The following PIWIL2 variants were observed in gnomAD, a reference collection of about 807,000 sequenced individuals.
PIWIL2 encodes piwi-like protein 2.
A neutral mutation model predicts 116.5 loss-of-function variants in PIWIL2; 81 were observed. The observed-to-expected ratio is 0.70, with a 90% CI of 0.58 to 0.84. The LOEUF (loss-of-function observed/expected upper bound fraction) is 0.84, where lower values mean the gene tolerates loss of function less well. PIWIL2 is among the 40% of genes least tolerant of loss of function. The pLI is 0.00. For synonymous variants in PIWIL2, 489 were observed against 429.5 expected, an observed-to-expected ratio of 1.14 and a Z score of -1.71; for missense variants, 1,272 against 1,212.3, an observed-to-expected ratio of 1.05 and a Z score of -0.73.
rs1440861405 is a variant in PIWIL2, at chr8:22,351,436, CATACATATATATATATAT to C, written c.2404-1519_2404-1502del. ...AGTAACCTGTAAGGAACAGTGCATA[CATACATATATATATATAT>C]ATATATATATATATATATATATATA... is the stretch of plus-strand genomic sequence containing the variant. On this transcript the variant is annotated intron_variant, in intron 20 of 22. Transcript: ENST00000356766. Among the ~76,000 whole-genome samples the C allele has an allele frequency of 5.4e-3, 249 of 46,268 alleles. 8 individuals carry two copies. The highest frequency in any genetic ancestry group is 0.025 in the South Asian group (22 of 882). 30.4% of individuals were successfully genotyped at this position (46,268 alleles called of 152,430 possible). A position where few individuals can be genotyped will look rare whatever the true frequency, so the allele number is the denominator to read the frequency against.
At chr8:22,346,263 T>C (rs1832224355) in intron 20 of PIWIL2, among the ~76,000 whole-genome samples, 1 of 152,182 alleles carries the variant, frequency 6.6e-6, no homozygotes, top group Non-Finnish European at 1.5e-5. Context: ...GGATGAGTTT[T>C]ATGGTATTTC....
chr8:22,317,010 G>A (rs1384616574), intron 19 of PIWIL2, among the ~76,000 whole-genome samples: 4 of 151,988 alleles, frequency 2.6e-5, no homozygotes, highest in Non-Finnish European at 5.9e-5. Flanking sequence ...AAACTCCTGG[G>A]CTTAAGTGAT....
At chr8:22,347,516 CTTTTTTT>C (rs1218303089) in intron 20 of PIWIL2, among the ~76,000 whole-genome samples, 1,352 of 98,474 alleles carry the variant, frequency 0.014, 23 homozygotes, top group African/African-American at 0.045. Context: ...TGTGCCTGGC[CTTTTTTT>C]TTTTTTTTTT....
chr8:22,305,341 C>T (rs920368024), intron 12 of PIWIL2, among the ~76,000 whole-genome samples: 4 of 151,986 alleles, frequency 2.6e-5, no homozygotes, highest in Non-Finnish European at 2.9e-5. Context: ...TACAGGAGCC[C>T]GCCACCACCC....
chr8:22,301,130 C>T (rs1831037103), intron 10 of PIWIL2, among the ~76,000 whole-genome samples: 1 of 151,812 alleles, frequency 6.6e-6, no homozygotes. Flanking sequence ...CAGGCATGCA[C>T]CACCATGCCC....
chr8:22,334,542 A>C (rs1831936453), intron 20 of PIWIL2, among the ~76,000 whole-genome samples: 1 of 151,438 alleles, frequency 6.6e-6, no homozygotes. Context: ...AGAAAAGAAA[A>C]TACAAAATTT....
At position 22,307,481 on chromosome 8, in the gene PIWIL2, T is replaced by A. The variant is rs986000330; in HGVS notation, c.1546-452T>A. 9.5e-4 allele frequency among the ~76,000 whole-genome samples: 135 copies of A among 142,224 alleles called. 7 individuals carry two copies. The highest frequency in any genetic ancestry group is 1.0e-3 in the East Asian group (5 of 4,956). The allele number at this position is 142,224 out of a possible 152,430, so 93.3% of individuals were successfully genotyped here. On this transcript the variant is annotated intron_variant, in intron 13 of 22. Transcript: ENST00000356766. ...AAATTCTTTTATTATTCATTTTTTT[T>A]TTTTTTTTTTTTTTTTTTGGAGATA...
chr8:22,320,875 G>A (rs952034384), intron 20 of PIWIL2, among the ~76,000 whole-genome samples: 5 of 152,212 alleles, frequency 3.3e-5, no homozygotes, highest in African/African-American at 9.7e-5. Flanking sequence ...TTATAGGCGT[G>A]AGCCACCGTG....
At chr8:22,302,400 C>T (rs778922659) in intron 10 of PIWIL2, among the ~76,000 whole-genome samples, 1 of 151,948 alleles carries the variant, frequency 6.6e-6, no homozygotes, top group Non-Finnish European at 1.5e-5. Context: ...AGGATGGTCT[C>T]GATCTCTTGA....
At position 22,310,020 on chromosome 8, in the gene PIWIL2, A is replaced by G. The variant is rs1831289305; in HGVS notation, c.1746A>G (p.Thr582=). The change falls in exon 15 of 23, where the codon ACA becomes ACG. Residue 582 remains threonine, a synonymous_variant. Coordinates refer to ENST00000356766, the MANE Select transcript of PIWIL2 (RefSeq NM_018068.5). ...ACTTAAAAAATACTTCGTTTATCAC[A>G]TCTCAGGAACTAAACTGGGTTAAGG... The part of the protein sequence containing the change: ...RINLKNTSFI[T]SQELNWVKEV... 1 of 1,612,350 alleles carries G rather than the reference A, an allele frequency of 6.2e-7. No homozygotes were observed. The highest frequency in any genetic ancestry group is 8.5e-7 in the Non-Finnish European group (1 of 1,178,380).
In PIWIL2 at chr8:22,279,351, A is replaced by G; in HGVS notation, c.-36A>G. 6.5e-7 allele frequency: 1 copy of G among 1,542,812 alleles called. No homozygotes were observed. Among genetic ancestry groups the G allele is most frequent in the Non-Finnish European group, 9.0e-7 (1 of 1,115,514 alleles). ...TGAAAATGATGGCAGGTAATTAACC[A>G]GAACAGGATCGACACGTGTTCTCTA... is the stretch of plus-strand genomic sequence containing the variant. On this transcript the variant is annotated 5_prime_UTR_variant, in exon 2 of 23. Transcript: ENST00000356766.
Position 22,328,775 on chromosome 8 carries a change from A to G in PIWIL2, c.2403+10500A>G, listed in dbSNP as rs1401056361. Among the ~76,000 whole-genome samples, 3 of 142,118 alleles carry G rather than the reference A, an allele frequency of 2.1e-5. No individual in the cohort carries two copies. In the East Asian group the frequency reaches 6.1e-4, roughly 29 times the overall value. 93.2% of individuals were successfully genotyped at this position (142,118 alleles called of 152,430 possible). ...ACACAACTGTTTTTATGTGTTGATCATGTACCCTGTAACTTTTCTGAATGT... is the reference window on the plus strand; with the variant it reads ...ACACAACTGTTTTTATGTGTTGATCGTGTACCCTGTAACTTTTCTGAATGT... On this transcript the variant is annotated intron_variant, in intron 20 of 22. Transcript: ENST00000356766.
intron 20 of PIWIL2, among the ~76,000 whole-genome samples, chr8:22,334,284 A>G (rs1041855453): frequency 1.3e-5 from 2 of 151,720 alleles, no homozygotes; most frequent in East Asian, 1.9e-4. Flanking sequence ...CCTGGGTACA[A>G]GGTTCTTTTT....
rs533104669 is a variant in PIWIL2, at chr8:22,292,630, T to C, written c.1181+2284T>C. Among the ~76,000 whole-genome samples the C allele has an allele frequency of 2.6e-5, 4 of 152,376 alleles. No individual in the cohort carries two copies. The East Asian group carries it at 5.8e-4, about 22-fold the overall frequency. ...TTAGCACTGTCAAAGGACACAATTA[T>C]TGGCTTTTATTTGGAGTTCATGAAT... On this transcript the variant is annotated intron_variant, in intron 10 of 22. Transcript: ENST00000356766.
At chr8:22,335,765 G>A (rs994998146) in intron 20 of PIWIL2, among the ~76,000 whole-genome samples, 5 of 151,986 alleles carry the variant, frequency 3.3e-5, no homozygotes, top group African/African-American at 1.2e-4. Context: ...CACCATGTTG[G>A]CCAGGCTAGT....
At chr8:22,343,839 A>G (rs563374620) in intron 20 of PIWIL2, among the ~76,000 whole-genome samples, 2 of 152,376 alleles carry the variant, frequency 1.3e-5, no homozygotes, top group African/African-American at 4.8e-5. Flanking sequence ...GCTAATTACT[A>G]AACTAAATGT....
At chr8:22,320,646 A>G (rs1315019894) in intron 20 of PIWIL2, among the ~76,000 whole-genome samples, 1 of 150,504 alleles carries the variant, frequency 6.6e-6, no homozygotes, top group Non-Finnish European at 1.5e-5. Flanking sequence ...GCTGAAGTGC[A>G]ATGGCACAAT....
chr8:22,290,400 C>G (rs763305844), intron 10 of PIWIL2, 54 bp downstream of exon 10: 7 of 981,930 alleles, frequency 7.1e-6, no homozygotes, highest in Non-Finnish European at 1.1e-5. Flanking sequence ...CTGAAAAGTT[C>G]AGTAACAGCT....
rs76073263 is a variant in PIWIL2, at chr8:22,279,400, G to T, written c.14G>T (p.Arg5Leu). 1.9e-6 allele frequency: 3 copies of T among 1,613,904 alleles called. No individual in the cohort carries two copies. The highest frequency in any genetic ancestry group is 4.5e-5 in the East Asian group (2 of 44,890). Reference sequence around the variant, plus strand: ...TACAGCCCGTCCATGGATCCTTTCCGACCATCGTTCAGGGGCCAGTCTCCT... The same window carrying T: ...TACAGCCCGTCCATGGATCCTTTCCTACCATCGTTCAGGGGCCAGTCTCCT... MDPF[R>L]PSFRGQSPIH... Residue 5 changes from arginine to leucine, a missense_variant, in exon 2 of 23, where the codon CGA (arginine) becomes CTA (leucine). Coordinates refer to ENST00000356766, the MANE Select transcript of PIWIL2 (RefSeq NM_018068.5).
Sources: gnomAD v4.1 joint callset for allele counts (sites outside exome capture counted in the v4.1 genomes callset) on GRCh38, gnomAD v4.1.1 for gene constraint, MANE v1.5 for transcripts, NCBI Gene and HGNC (gene_info 2026-07-23, HGNC 2026-07-21) for gene names.